The following MAGI2 variants were observed in gnomAD, a reference collection of about 807,000 sequenced individuals.
MAGI2 encodes the protein membrane associated guanylate kinase, WW and PDZ domain containing 2, also known as membrane-associated guanylate kinase, WW and PDZ domain-containing protein 2.
Under a neutral mutation model 133.3 loss-of-function variants are expected in MAGI2, and 35 were observed. The ratio of observed to expected loss-of-function variants is 0.26; its 90% CI spans 0.20 to 0.35. The LOEUF (loss-of-function observed/expected upper bound fraction) is 0.35, where lower values mean the gene tolerates loss of function less well. MAGI2 is among the 10% of genes least tolerant of loss of function. The pLI is 1.00. For synonymous variants in MAGI2, 729 were observed against 710.6 expected (o/e 1.03, Z -0.41); for missense variants, 1,636 against 1,863.4 (o/e 0.88, Z 2.25).
intron 2 of MAGI2, among the ~76,000 whole-genome samples, chr7:78,633,246 C>T (rs1809223892): frequency 1.3e-5 from 2 of 151,948 alleles, no homozygotes; most frequent in Non-Finnish European, 2.9e-5. Flanking sequence ...TACTTGAGGG[C>T]GGAAGGCGGG....
intron 1 of MAGI2, among the ~76,000 whole-genome samples, chr7:79,322,048 T>C (rs2129561698): frequency 6.6e-6 from 1 of 152,258 alleles, no homozygotes; most frequent in South Asian, 2.1e-4. Context: ...AGAGTACCTA[T>C]TTTAGTTCAT....
chr7:78,331,136 CACTT>C (rs1205110675), intron 9 of MAGI2, among the ~76,000 whole-genome samples: 1 of 152,152 alleles, frequency 6.6e-6, no homozygotes, highest in Non-Finnish European at 1.5e-5. Flanking sequence ...TACATGTTCT[CACTT>C]ACAAGTGGAA....
Position 78,534,471 on chromosome 7 carries a change from A to G in MAGI2, c.539-12826T>C, listed in dbSNP as rs1048127453. On this transcript the variant is annotated intron_variant, in intron 3 of 21. Coordinates refer to ENST00000354212, the MANE Select transcript of MAGI2 (RefSeq NM_012301.4). ...TGTATATATGTGTGTGTTTGTATATATATGTGTGTGTGCGTGTGCTCCCAA... is the reference window on the plus strand; with the variant it reads ...TGTATATATGTGTGTGTTTGTATATGTATGTGTGTGTGCGTGTGCTCCCAA... Among the ~76,000 whole-genome samples the G allele has an allele frequency of 2.6e-5, 4 of 152,310 alleles. No homozygotes were observed. In the East Asian group the frequency reaches 5.8e-4, roughly 22 times the overall value.
At chr7:78,126,507 C>T (rs1820998147) in intron 19 of MAGI2, among the ~76,000 whole-genome samples, 1 of 152,188 alleles carries the variant, frequency 6.6e-6, no homozygotes, top group Non-Finnish European at 1.5e-5. Context: ...GAAATATTTT[C>T]TAGATACCAA....
intron 7 of MAGI2, among the ~76,000 whole-genome samples, chr7:78,347,745 G>A (rs1028028681): frequency 2.0e-5 from 3 of 152,180 alleles, no homozygotes; most frequent in Non-Finnish European, 4.4e-5. Flanking sequence ...GCTTCTAACA[G>A]TGCTCTTTGT....
chr7:79,028,768 A>G (rs992623214), intron 1 of MAGI2, among the ~76,000 whole-genome samples: 6 of 152,194 alleles, frequency 3.9e-5, no homozygotes, highest in Non-Finnish European at 8.8e-5. Context: ...TTAAAAGTCC[A>G]GGAATGCTCC....
chr7:79,253,800 T>C (rs904574821), intron 1 of MAGI2, among the ~76,000 whole-genome samples: 8 of 152,184 alleles, frequency 5.3e-5, no homozygotes, highest in Non-Finnish European at 8.8e-5. Context: ...TAATTATTCA[T>C]GTTGTATTCA....
At chr7:78,804,575 C>T (rs1418093783) in intron 2 of MAGI2, among the ~76,000 whole-genome samples, 3 of 150,574 alleles carry the variant, frequency 2.0e-5, no homozygotes, top group African/African-American at 7.3e-5. Flanking sequence ...GGTGAAACCC[C>T]GTCTCTACTA....
chr7:79,244,760 G>C (rs10480716), intron 1 of MAGI2, among the ~76,000 whole-genome samples: 99,952 of 152,040 alleles, frequency 0.66, 33,280 homozygotes, highest in Non-Finnish European at 0.7. Context: ...TGTGACCTAG[G>C]AAAACACCAG....
chr7:79,029,345 C>A (rs193212047), intron 1 of MAGI2, among the ~76,000 whole-genome samples: 1 of 152,008 alleles, frequency 6.6e-6, no homozygotes, highest in Non-Finnish European at 1.5e-5. Flanking sequence ...TATTTGAAGT[C>A]ATTCATTAAA....
intron 6 of MAGI2, among the ~76,000 whole-genome samples, chr7:78,422,565 T>A (rs1355969477): frequency 6.8e-6 from 1 of 146,508 alleles, no homozygotes; most frequent in African/African-American, 2.6e-5. Flanking sequence ...AGAAGGTGAA[T>A]GTAATGTGTA....
chr7:78,778,354 TC>T (rs1475618522), intron 2 of MAGI2, among the ~76,000 whole-genome samples: 2 of 152,206 alleles, frequency 1.3e-5, no homozygotes, highest in Admixed American at 6.5e-5. Context: ...TTAGAGTCCT[TC>T]CTGCTTTTGA....
intron 6 of MAGI2, among the ~76,000 whole-genome samples, chr7:78,375,251 A>G (rs932648047): frequency 2.6e-5 from 4 of 152,116 alleles, no homozygotes; most frequent in Admixed American, 6.6e-5. Flanking sequence ...AAAACTGGGT[A>G]AATACAACAT....
chr7:78,361,764 T>C (rs927295984), intron 7 of MAGI2, among the ~76,000 whole-genome samples: 2 of 152,200 alleles, frequency 1.3e-5, no homozygotes, highest in Admixed American at 1.3e-4. Context: ...TAAAAGTGTA[T>C]TTAATTACAG....
chr7:78,114,839 GAAGAT>G (rs1304149088), intron 20 of MAGI2, among the ~76,000 whole-genome samples: 1 of 152,180 alleles, frequency 6.6e-6, no homozygotes, highest in African/African-American at 2.4e-5. Flanking sequence ...AGCTGGAGAG[GAAGAT>G]AAGGACGTAT....
At chr7:78,292,381 G>C (rs1280413866) in intron 9 of MAGI2, among the ~76,000 whole-genome samples, 1 of 152,148 alleles carries the variant, frequency 6.6e-6, no homozygotes, top group Non-Finnish European at 1.5e-5. Context: ...TACAAGGGAT[G>C]TGAAGGACCT....
intron 2 of MAGI2, among the ~76,000 whole-genome samples, chr7:78,655,646 T>C (rs1041362750): frequency 6.6e-6 from 1 of 151,666 alleles, no homozygotes; most frequent in Non-Finnish European, 1.5e-5. Flanking sequence ...TAAACAATAA[T>C]AAAAGGAGCA....
At chr7:78,540,736 G>A (rs569815729) in intron 3 of MAGI2, among the ~76,000 whole-genome samples, 4 of 152,244 alleles carry the variant, frequency 2.6e-5, no homozygotes, top group Admixed American at 2.6e-4. Flanking sequence ...AGTCAGAAGT[G>A]GCTTCCCTGG....
intron 1 of MAGI2, among the ~76,000 whole-genome samples, chr7:79,276,102 G>A (rs117925869): frequency 3.9e-5 from 6 of 152,264 alleles, no homozygotes; most frequent in Non-Finnish European, 8.8e-5. Flanking sequence ...AATACATTAT[G>A]TAAGGCTGTT....
Sources: allele counts gnomAD v4.1 joint callset (sites outside exome capture counted in the v4.1 genomes callset), GRCh38; gene constraint gnomAD v4.1.1; transcripts MANE v1.5; gene names NCBI Gene and HGNC (gene_info 2026-07-23, HGNC 2026-07-21).